Variants in EVI5 observed in about 807,000 individuals in gnomAD.
EVI5 encodes ecotropic viral integration site 5 protein homolog.
Under a neutral mutation model 112.0 loss-of-function variants are expected in EVI5, and 73 were observed. That is an observed-to-expected ratio of 0.65 (90% CI 0.54 to 0.79). The LOEUF (loss-of-function observed/expected upper bound fraction) is 0.79, where lower values mean the gene tolerates loss of function less well. Ranked by LOEUF, EVI5 falls within the 30% of genes least tolerant of loss-of-function variation. The pLI is 0.00. For missense variants in EVI5, 900 were observed against 968.8 expected, an observed-to-expected ratio of 0.93 and a Z score of 0.94; for synonymous variants, 305 against 319.9, an observed-to-expected ratio of 0.95 and a Z score of 0.50.
chr1:92,679,873 C>T (rs1667324844), intron 9 of EVI5, among the ~76,000 whole-genome samples: 1 of 152,200 alleles, frequency 6.6e-6, no homozygotes, highest in African/African-American at 2.4e-5. Context: ...GACATAAATG[C>T]CGTTTTCATT....
At chr1:92,635,546 C>T (rs577453503) in intron 14 of EVI5, among the ~76,000 whole-genome samples, 33 of 152,280 alleles carry the variant, frequency 2.2e-4, no homozygotes, top group Admixed American at 1.1e-3. Flanking sequence ...TATTAGGGTG[C>T]GAGTGACCCG....
chr1:92,720,667 T>A (rs921536454), intron 2 of EVI5, among the ~76,000 whole-genome samples: 3 of 151,926 alleles, frequency 2.0e-5, no homozygotes, highest in African/African-American at 4.8e-5. Context: ...AAGCCAAAAT[T>A]AACAAATGGG....
At chr1:92,667,513 T>A (rs984802697) in intron 10 of EVI5, among the ~76,000 whole-genome samples, 2 of 152,242 alleles carry the variant, frequency 1.3e-5, no homozygotes, top group African/African-American at 4.8e-5. Context: ...CTTGTCTAAT[T>A]ACTGTCATTA....
chr1:92,679,459 A>G (rs1383441556), intron 9 of EVI5, among the ~76,000 whole-genome samples: 1 of 152,222 alleles, frequency 6.6e-6, no homozygotes, highest in Non-Finnish European at 1.5e-5. Flanking sequence ...TTATGTAAAA[A>G]TATCACTCAT....
intron 9 of EVI5, among the ~76,000 whole-genome samples, chr1:92,682,287 C>T (rs77818169): frequency 1.5e-4 from 23 of 152,252 alleles, no homozygotes; most frequent in Admixed American, 2.6e-4. Context: ...CCTATCTCTG[C>T]GTGCCCTGTC....
At chr1:92,631,759 C>A (rs573516264) in intron 14 of EVI5, among the ~76,000 whole-genome samples, 93 of 152,104 alleles carry the variant, frequency 6.1e-4, no homozygotes, top group South Asian at 1.5e-3. Flanking sequence ...GTCTTGTGCC[C>A]GTTTTCAAAG....
At chr1:92,514,342 C>T (rs1368299117) in intron 19 of EVI5, among the ~76,000 whole-genome samples, 1 of 151,710 alleles carries the variant, frequency 6.6e-6, no homozygotes, top group African/African-American at 2.4e-5. Context: ...TTTTTGTAGA[C>T]ACGGGGTTTC....
chr1:92,778,474 G>C (rs757872864), intron 1 of EVI5, among the ~76,000 whole-genome samples: 4 of 152,114 alleles, frequency 2.6e-5, no homozygotes, highest in Non-Finnish European at 5.9e-5. Context: ...AACAGAGACA[G>C]ATTGTGTGAG....
chr1:92,519,896 TAAA>T (rs371959112), intron 19 of EVI5, among the ~76,000 whole-genome samples: 5 of 119,052 alleles, frequency 4.2e-5, no homozygotes, highest in Non-Finnish European at 5.3e-5. Context: ...ACTCTGTCTT[TAAA>T]AAAAAAAAAA....
intron 19 of EVI5, among the ~76,000 whole-genome samples, chr1:92,543,964 A>G (rs1665261976): frequency 6.6e-6 from 1 of 152,244 alleles, no homozygotes; most frequent in Non-Finnish European, 1.5e-5. Context: ...ATGCCTGTTT[A>G]TCCATACAGT....
intron 2 of EVI5, among the ~76,000 whole-genome samples, chr1:92,718,990 A>G (rs1183643057): frequency 6.6e-6 from 1 of 152,214 alleles, no homozygotes; most frequent in East Asian, 1.9e-4. Flanking sequence ...CCCAAGCTAA[A>G]CCAGGAAGAA....
intron 19 of EVI5, among the ~76,000 whole-genome samples, chr1:92,531,815 T>C (rs1457804553): frequency 1.3e-5 from 2 of 152,186 alleles, no homozygotes; most frequent in Non-Finnish European, 2.9e-5. Flanking sequence ...GATCAGCCAG[T>C]ACCAGCCACT....
intron 19 of EVI5, among the ~76,000 whole-genome samples, chr1:92,559,358 C>T (rs1425322765): frequency 6.6e-6 from 1 of 152,134 alleles, no homozygotes; most frequent in South Asian, 2.1e-4. Flanking sequence ...TTTTTCCTAC[C>T]CTTCACTATA....
chr1:92,628,746 T>C (rs983084570), intron 14 of EVI5, among the ~76,000 whole-genome samples: 6 of 152,228 alleles, frequency 3.9e-5, no homozygotes, highest in East Asian at 1.9e-4. Context: ...CCTGATTCTA[T>C]GAAATTTTCT....
At chr1:92,721,082 G>C (rs1004544702) in intron 2 of EVI5, among the ~76,000 whole-genome samples, 1 of 152,158 alleles carries the variant, frequency 6.6e-6, no homozygotes, top group African/African-American at 2.4e-5. Flanking sequence ...GTTGGTGGGA[G>C]TGTAAATTAG....
chr1:92,579,999 T>C (rs1339527965), intron 18 of EVI5, among the ~76,000 whole-genome samples: 1 of 152,184 alleles, frequency 6.6e-6, no homozygotes, highest in Non-Finnish European at 1.5e-5. Flanking sequence ...AGAATAATAA[T>C]CATATATGTA....
intron 11 of EVI5, 139 bp from the exon 12 acceptor site, chr1:92,663,591 T>A: frequency 2.5e-6 from 1 of 406,050 alleles, no homozygotes; most frequent in East Asian, 3.6e-5. Context: ...TTAAAACCAT[T>A]TTTTACTGAA....
intron 1 of EVI5, among the ~76,000 whole-genome samples, chr1:92,790,780 A>AC (rs1558268126): frequency 4.0e-5 from 6 of 150,878 alleles, no homozygotes; most frequent in Non-Finnish European, 8.8e-5. Flanking sequence ...CATCACGCCA[A>AC]TGCACTGCAC....
intron 16 of EVI5, 68 bp downstream of exon 16, chr1:92,624,108 A>G (rs1252022542): frequency 9.6e-6 from 13 of 1,351,188 alleles, no homozygotes; most frequent in East Asian, 2.3e-5. Context: ...TAGGGATGAT[A>G]CAATCTGTGC....
Sources: gnomAD v4.1 joint callset for allele counts (sites outside exome capture counted in the v4.1 genomes callset) on GRCh38, gnomAD v4.1.1 for gene constraint, MANE v1.5 for transcripts, NCBI Gene and HGNC (gene_info 2026-07-23, HGNC 2026-07-21) for gene names.